BCR: variants seen among roughly 807,000 people sequenced by gnomAD.
BCR encodes breakpoint cluster region protein.
A neutral mutation model predicts 138.6 loss-of-function variants in BCR; 58 were observed. The ratio of observed to expected loss-of-function variants is 0.42; its 90% CI spans 0.34 to 0.52. BCR has a LOEUF of 0.52. Among genes scored for constraint, BCR ranks in the 20% least tolerant of loss-of-function variants. The pLI is 0.06. For synonymous variants in BCR, 786 were observed against 730.1 expected (o/e 1.08, Z -1.23); for missense variants, 1,599 against 1,727.2 (o/e 0.93, Z 1.32).
chr22:23,289,433 G>A, intron 12 of BCR, 84 bp from the exon 13 acceptor site: 1 of 1,162,490 alleles, frequency 8.6e-7, no homozygotes, highest in Middle Eastern at 2.0e-4. Flanking sequence ...CTTCCCCAGG[G>A]TGTGTGGTGG....
intron 1 of BCR, among the ~76,000 whole-genome samples, chr22:23,182,755 G>A (rs965745175): frequency 2.0e-5 from 3 of 152,196 alleles, no homozygotes; most frequent in African/African-American, 7.2e-5. Flanking sequence ...CTGCTCCTAG[G>A]CCATAGAAGT....
chr22:23,211,419 C>T (rs1042407577), intron 1 of BCR, among the ~76,000 whole-genome samples: 2 of 151,890 alleles, frequency 1.3e-5, no homozygotes, highest in South Asian at 2.1e-4. Flanking sequence ...AGGATGGTCT[C>T]GATTTCCTGA....
rs1233802398 is a variant in BCR, at chr22:23,180,979, T to C, written c.19T>C (p.Phe7Leu). 13 of 1,413,818 alleles carry C rather than the reference T, an allele frequency of 9.2e-6. No individual in the cohort carries two copies. The African/African-American group carries it at 1.2e-4, about 13-fold the overall frequency. 87.6% of individuals were successfully genotyped at this position (1,413,818 alleles called of 1,614,324 possible). A position where few individuals can be genotyped will look rare whatever the true frequency, so the allele number is the denominator to read the frequency against. Residue 7 changes from phenylalanine to leucine, a missense_variant, in exon 1 of 23, where the codon TTC (phenylalanine) becomes CTC (leucine). Transcript: ENST00000305877. The part of the protein sequence containing the change: MVDPVG[F>L]AEAWKAQFPD... ...CCGCGCCATGGTGGACCCGGTGGGC[T>C]TCGCGGAGGCGTGGAAGGCGCAGTT...
At chr22:23,205,323 T>TGAGA (rs1402367646) in intron 1 of BCR, among the ~76,000 whole-genome samples, 1 of 152,188 alleles carries the variant, frequency 6.6e-6, no homozygotes, top group Non-Finnish European at 1.5e-5. Flanking sequence ...ACGCTTTCCT[T>TGAGA]CAGAATATTG....
intron 1 of BCR, among the ~76,000 whole-genome samples, chr22:23,194,774 C>T (rs914671707): frequency 6.6e-6 from 1 of 151,844 alleles, no homozygotes; most frequent in Non-Finnish European, 1.5e-5. Flanking sequence ...GACCCCATCT[C>T]TACAAAAAAT....
chr22:23,254,575 C>T (rs768521906), intron 2 of BCR: 18 of 518,814 alleles, frequency 3.5e-5, no homozygotes, highest in Non-Finnish European at 6.2e-5. Flanking sequence ...CCACGCCCCC[C>T]CTCACATGAG....
chr22:23,217,536 G>T (rs1602025349), intron 1 of BCR, among the ~76,000 whole-genome samples: 1 of 152,182 alleles, frequency 6.6e-6, no homozygotes, highest in African/African-American at 2.4e-5. Flanking sequence ...GGCTCAGCCT[G>T]CAAGAGCTGA....
At chr22:23,314,932 C>T (rs1374232364) in intron 22 of BCR, among the ~76,000 whole-genome samples, 1 of 152,254 alleles carries the variant, frequency 6.6e-6, no homozygotes, top group Non-Finnish European at 1.5e-5. Flanking sequence ...AAGCTTAAAA[C>T]TACCTCAAGT....
intron 1 of BCR, among the ~76,000 whole-genome samples, chr22:23,196,319 G>A (rs888719808): frequency 5.3e-5 from 8 of 152,134 alleles, no homozygotes; most frequent in African/African-American, 7.2e-5. Flanking sequence ...GGTGGGAGCC[G>A]GGACAAGCAG....
chr22:23,311,542 A>G (rs556426180), intron 18 of BCR, among the ~76,000 whole-genome samples, 155 bp from the exon 19 acceptor site: 2 of 152,164 alleles, frequency 1.3e-5, no homozygotes, highest in South Asian at 4.2e-4. Context: ...CAGAGGGAGG[A>G]CAGGCATGCA....
chr22:23,298,845 G>A (rs146957137), intron 16 of BCR, among the ~76,000 whole-genome samples: 2,499 of 152,232 alleles, frequency 0.016, 72 homozygotes, highest in African/African-American at 0.056. Flanking sequence ...TGGTCCACCC[G>A]CCTTGGCCTC....
intron 1 of BCR, among the ~76,000 whole-genome samples, chr22:23,196,894 G>A (rs998081650): frequency 1.3e-5 from 2 of 152,198 alleles, no homozygotes; most frequent in Non-Finnish European, 2.9e-5. Context: ...GTTCCTAACA[G>A]GCCACGGACT....
At chr22:23,298,215 G>A (rs765297948) in intron 16 of BCR, among the ~76,000 whole-genome samples, 1 of 152,224 alleles carries the variant, frequency 6.6e-6, no homozygotes, top group Non-Finnish European at 1.5e-5. Context: ...GGATTCTGGT[G>A]AAACCGACCC....
rs1425171704 is a variant in BCR, at chr22:23,181,739, T to C, written c.779T>C (p.Leu260Pro). The change falls in exon 1 of 23, where the codon CTG becomes CCG. Residue 260 changes from leucine to proline, a missense_variant. By Grantham distance (98) the Leu-to-Pro change is moderately conservative. Around this residue, in one of 4 missense-constraint regions of BCR, gnomAD observed 806 missense variants for 635.0 expected, o/e 1.27. Transcript: ENST00000305877. ...ELNPRFLKDN[L>P]IDANGGSRPP... ...AACCCCCGCTTCCTGAAGGACAACCTGATCGACGCCAATGGCGGTAGCAGG... is the reference window on the plus strand; with the variant it reads ...AACCCCCGCTTCCTGAAGGACAACCCGATCGACGCCAATGGCGGTAGCAGG... 1 of 1,604,264 alleles carries C rather than the reference T, an allele frequency of 6.2e-7. No homozygotes were observed. Among genetic ancestry groups the C allele is most frequent in the Admixed American group, 1.7e-5 (1 of 60,028 alleles).
At chr22:23,240,037 C>T (rs1045271006) in intron 1 of BCR, among the ~76,000 whole-genome samples, 5 of 151,974 alleles carry the variant, frequency 3.3e-5, no homozygotes, top group African/African-American at 7.3e-5. Flanking sequence ...AGGCTAGTCT[C>T]GAACTCCTGG....
chr22:23,267,361 C>T (rs947191441), intron 4 of BCR, among the ~76,000 whole-genome samples: 5 of 152,142 alleles, frequency 3.3e-5, no homozygotes, highest in African/African-American at 1.2e-4. Context: ...AGCTGCTACC[C>T]TTTCCTCGTA....
Position 23,181,400 on chromosome 22 carries a change from C to T in BCR, c.440C>T (p.Pro147Leu). ...AASGERDDRG[P>L]PASVAALRSN... ...TCGGGGGAACGGGACGACCGGGGAC[C>T]CCCCGCCAGCGTGGCGGCGCTCAGG... is the stretch of plus-strand genomic sequence containing the variant. The change falls in exon 1 of 23, where the codon CCC (proline) becomes CTC (leucine). Residue 147 changes from proline to leucine, a missense_variant. Pro to Leu is a moderately conservative substitution (Grantham distance 98). Transcript: ENST00000305877. 6.4e-7 allele frequency: 1 copy of T among 1,563,758 alleles called. No homozygotes were observed. The highest frequency in any genetic ancestry group is 8.7e-7 in the Non-Finnish European group (1 of 1,154,892).
intron 16 of BCR, among the ~76,000 whole-genome samples, chr22:23,303,651 T>C (rs1477346714): frequency 2.6e-5 from 4 of 152,224 alleles, no homozygotes; most frequent in East Asian, 1.9e-4. Flanking sequence ...GGGGAAGATA[T>C]GAAGATGTAA....
intron 1 of BCR, chr22:23,198,176 A>G: frequency 2.7e-6 from 1 of 376,592 alleles, no homozygotes; most frequent in South Asian, 2.0e-5. Context: ...AGGAGAGACC[A>G]GAGCACTAAA....
Sources: gnomAD v4.1 joint callset for allele counts (sites outside exome capture counted in the v4.1 genomes callset) on GRCh38, gnomAD v4.1.1 for gene constraint, gnomAD v4.1.1 regional missense constraint, MANE v1.5 for transcripts, NCBI Gene and HGNC (gene_info 2026-07-23, HGNC 2026-07-21) for gene names.